The following EFR3A variants were observed in gnomAD, a reference collection of about 807,000 sequenced individuals.
EFR3A encodes the protein EFR3 homolog A, also known as protein EFR3 homolog A.
In EFR3A, 76 loss-of-function variants were observed where a neutral mutation model predicts 104.4. The observed-to-expected ratio is 0.73, with a 90% CI of 0.60 to 0.88. The LOEUF is 0.88. EFR3A is among the 40% of genes least tolerant of loss of function. The probability of loss-of-function intolerance (pLI) is 0.00; values close to 1 mark genes in which losing one functional copy is unlikely to be tolerated. For missense variants in EFR3A, 985 were observed against 1,012.5 expected (o/e 0.97, Z 0.37); for synonymous variants, 330 against 330.0 (o/e 1.00, Z 0.00).
intron 5 of EFR3A, among the ~76,000 whole-genome samples, chr8:131,950,877 T>C (rs1246108320): frequency 6.6e-6 from 1 of 152,146 alleles, no homozygotes; most frequent in Non-Finnish European, 1.5e-5. Context: ...TCAAATATTT[T>C]ATAAACTCAA....
At chr8:131,966,200 T>TA (rs1460477369) in intron 8 of EFR3A, among the ~76,000 whole-genome samples, 1 of 151,988 alleles carries the variant, frequency 6.6e-6, no homozygotes, top group Admixed American at 6.6e-5. Flanking sequence ...CCCTAAAACT[T>TA]AAAGTTTAAT....
chr8:131,904,255 C>A lies in EFR3A; in HGVS notation c.-58C>A. 1 of 1,280,972 alleles carries A rather than the reference C, an allele frequency of 7.8e-7. No homozygotes were observed. Among genetic ancestry groups the A allele is most frequent in the Non-Finnish European group, 9.9e-7 (1 of 1,011,850 alleles). The allele number at this position is 1,280,972 out of a possible 1,614,324, so 79.4% of individuals were successfully genotyped here. ...GCAACGGCCGTCATGGTGCCGTCGG[C>A]GCTCCCTGCGCGGCCCCGCTGAGCC... On this transcript the variant is annotated 5_prime_UTR_variant, in exon 1 of 23. Coordinates refer to ENST00000254624, the MANE Select transcript of EFR3A (RefSeq NM_015137.6).
At chr8:131,979,982 A>G (rs1404332094) in intron 14 of EFR3A, among the ~76,000 whole-genome samples, 1 of 152,172 alleles carries the variant, frequency 6.6e-6, no homozygotes, top group East Asian at 1.9e-4. Flanking sequence ...GGTTATTTGC[A>G]TATTGAGTAA....
At chr8:131,908,861 A>G (rs1816377674) in intron 1 of EFR3A, among the ~76,000 whole-genome samples, 2 of 152,230 alleles carry the variant, frequency 1.3e-5, no homozygotes, top group South Asian at 2.1e-4. Context: ...AAATTGATAC[A>G]TAATATTTTC....
chr8:132,000,857 C>T (rs1159059112), intron 19 of EFR3A: 1 of 152,152 alleles, frequency 6.6e-6, no homozygotes, highest in Non-Finnish European at 1.5e-5. Flanking sequence ...GGAACTCTTG[C>T]TGCTTGATTT....
chr8:131,915,591 G>A lies in EFR3A; in HGVS notation c.10+11269G>A, dbSNP rs545790166. Among the ~76,000 whole-genome samples, 3 of 152,332 alleles carry A rather than the reference G, an allele frequency of 2.0e-5. No homozygotes were observed. In the East Asian group the frequency reaches 5.8e-4, roughly 29 times the overall value. Reference sequence around the variant, plus strand: ...GAGAATGGCAAGCACGATTAGAATGGTGCTATTGGGGGCCCAGGGGAGAGA... The same window carrying A: ...GAGAATGGCAAGCACGATTAGAATGATGCTATTGGGGGCCCAGGGGAGAGA... On this transcript the variant is annotated intron_variant, in intron 1 of 22. Coordinates refer to ENST00000254624, the MANE Select transcript of EFR3A (RefSeq NM_015137.6).
At chr8:131,971,963 A>G (rs1048928024) in intron 10 of EFR3A, among the ~76,000 whole-genome samples, 2 of 152,168 alleles carry the variant, frequency 1.3e-5, no homozygotes, top group African/African-American at 4.8e-5. Flanking sequence ...AATCATTTAT[A>G]ATTCTTGTCT....
At chr8:131,920,766 A>G (rs1773798144) in intron 1 of EFR3A, among the ~76,000 whole-genome samples, 1 of 152,016 alleles carries the variant, frequency 6.6e-6, no homozygotes, top group Non-Finnish European at 1.5e-5. Flanking sequence ...GAGGCCCTTA[A>G]CGAGATCCAT....
chr8:131,909,523 G>A (rs144808993), intron 1 of EFR3A, among the ~76,000 whole-genome samples: 1 of 152,280 alleles, frequency 6.6e-6, no homozygotes, highest in Non-Finnish European at 1.5e-5. Context: ...TCCAGCCTGG[G>A]CAACAGAGTA....
At position 131,953,933 on chromosome 8, in the gene EFR3A, C is replaced by G. The variant is rs1438861622; in HGVS notation, c.604C>G (p.Leu202Val). 3.8e-6 allele frequency: 6 copies of G among 1,561,886 alleles called. No individual in the cohort carries two copies. Among genetic ancestry groups the G allele is most frequent in the Non-Finnish European group, 5.2e-6 (6 of 1,153,478 alleles). ...TATGGATAAGATTGTTCCATCCCTC[C>G]TGTTTAACATGCAAAAGATAGAAGA... Reference protein sequence around the residue: ...QHMDKIVPSLLFNMQKIEEVD... With the variant: ...QHMDKIVPSLVFNMQKIEEVD... Residue 202 changes from leucine to valine, a missense_variant, in exon 6 of 23, where the codon CTG (leucine) becomes GTG (valine). Coordinates refer to ENST00000254624, the MANE Select transcript of EFR3A (RefSeq NM_015137.6).
At chr8:131,962,863 A>T (rs1046261929) in intron 8 of EFR3A, among the ~76,000 whole-genome samples, 4 of 152,204 alleles carry the variant, frequency 2.6e-5, no homozygotes, top group African/African-American at 9.7e-5. Flanking sequence ...AATTATAACA[A>T]ACTGTCTCTC....
intron 3 of EFR3A, among the ~76,000 whole-genome samples, chr8:131,945,626 T>G (rs533461322): frequency 2.2e-4 from 33 of 152,180 alleles, no homozygotes; most frequent in African/African-American, 7.2e-4. Context: ...GAATTTTAAT[T>G]TTGTTTTAAA....
chr8:131,966,146 C>T (rs1257437497), intron 8 of EFR3A, among the ~76,000 whole-genome samples: 2 of 152,038 alleles, frequency 1.3e-5, no homozygotes, highest in Non-Finnish European at 2.9e-5. Flanking sequence ...ACCAACATGG[C>T]ACATGTATAC....
chr8:131,947,422 A>T (rs1012833484), intron 4 of EFR3A, among the ~76,000 whole-genome samples: 1 of 151,784 alleles, frequency 6.6e-6, no homozygotes, highest in African/African-American at 2.4e-5. Context: ...ACTTTATCAG[A>T]TATATGATTT....
intron 21 of EFR3A, among the ~76,000 whole-genome samples, 185 bp from the exon 22 acceptor site, chr8:132,003,051 A>G (rs1821863460): frequency 6.6e-6 from 1 of 152,196 alleles, no homozygotes; most frequent in Admixed American, 6.5e-5. Flanking sequence ...AGGGAAAAAA[A>G]GACAACCCTT....
rs1325162417 is a variant in EFR3A at position 132,010,836 on chromosome 8, G to T, written c.2407G>T (p.Ala803Ser). The T allele has an allele frequency of 6.2e-7, 1 of 1,612,482 alleles. No individual in the cohort carries two copies. Among genetic ancestry groups the T allele is most frequent in the Non-Finnish European group, 8.5e-7 (1 of 1,178,958 alleles). Reference sequence around the variant, plus strand: ...AACACTGACCATTACTTCTGGGCATGCCCAATACCAATCTGTCCCAGTCTA... The same window carrying T: ...AACACTGACCATTACTTCTGGGCATTCCCAATACCAATCTGTCCCAGTCTA... ...SGTLTITSGH[A>S]QYQSVPVYEM... Residue 803 changes from alanine to serine, a missense_variant, in exon 23 of 23, where the codon GCC (alanine) becomes TCC (serine). By Grantham distance (99) the Ala-to-Ser change is moderately conservative. Transcript: ENST00000254624.
At chr8:131,963,656 G>A (rs1819529573) in intron 8 of EFR3A, among the ~76,000 whole-genome samples, 1 of 152,166 alleles carries the variant, frequency 6.6e-6, no homozygotes, top group Non-Finnish European at 1.5e-5. Flanking sequence ...GGAGGAGCTG[G>A]TACCATGCCT....
chr8:131,931,415 T>A (rs565292736), intron 1 of EFR3A, among the ~76,000 whole-genome samples: 1 of 152,268 alleles, frequency 6.6e-6, no homozygotes, highest in Admixed American at 6.5e-5. Flanking sequence ...TAAATCAGTA[T>A]AATTAGGTAT....
intron 1 of EFR3A, among the ~76,000 whole-genome samples, chr8:131,922,359 G>C (rs1377087479): frequency 1.3e-5 from 2 of 151,892 alleles, no homozygotes; most frequent in Non-Finnish European, 2.9e-5. Context: ...AAACTTTTGA[G>C]CTCCTTTTTG....
Sources: allele counts gnomAD v4.1 joint callset (sites outside exome capture counted in the v4.1 genomes callset), GRCh38; gene constraint gnomAD v4.1.1; transcripts MANE v1.5; gene names NCBI Gene and HGNC (gene_info 2026-07-23, HGNC 2026-07-21).